RGS7BP: variants seen among roughly 807,000 people sequenced by gnomAD.
RGS7BP encodes the protein regulator of G protein signaling 7-binding protein.
In RGS7BP, 9 loss-of-function variants were observed where a neutral mutation model predicts 31.3. The observed-to-expected ratio is 0.29, with a 90% confidence interval of 0.17 to 0.50. The LOEUF (loss-of-function observed/expected upper bound fraction) is 0.50, where lower values mean the gene tolerates loss of function less well. RGS7BP is among the 20% of genes least tolerant of loss of function. The pLI is 0.98. For missense variants in RGS7BP, 274 were observed against 322.0 expected (o/e 0.85, Z 1.14); for synonymous variants, 115 against 120.1 (o/e 0.96, Z 0.28).
At chr5:64,515,982 T>G (rs1314594677) in intron 2 of RGS7BP, among the ~76,000 whole-genome samples, 1 of 152,052 alleles carries the variant, frequency 6.6e-6, no homozygotes, top group Non-Finnish European at 1.5e-5. Context: ...TAAAAACTTA[T>G]TATAGAGACT....
intron 5 of RGS7BP, among the ~76,000 whole-genome samples, chr5:64,605,151 C>T (rs1457503207): frequency 6.6e-6 from 1 of 151,470 alleles, no homozygotes; most frequent in African/African-American, 2.4e-5. Flanking sequence ...CTTCCCTTTC[C>T]ACCTTTCATT....
chr5:64,523,782 T>C (rs1212494927), intron 2 of RGS7BP, among the ~76,000 whole-genome samples: 1 of 152,230 alleles, frequency 6.6e-6, no homozygotes, highest in Admixed American at 6.5e-5. Flanking sequence ...TTTCTGGAAT[T>C]GAACATAAAG....
chr5:64,541,507 C>G (rs1199885588), intron 2 of RGS7BP, among the ~76,000 whole-genome samples: 1 of 152,224 alleles, frequency 6.6e-6, no homozygotes, highest in Non-Finnish European at 1.5e-5. Context: ...CCATGTCTGC[C>G]ACATTCACTT....
intron 5 of RGS7BP, among the ~76,000 whole-genome samples, chr5:64,599,064 G>T (rs1743152858): frequency 6.6e-6 from 1 of 152,174 alleles, no homozygotes; most frequent in African/African-American, 2.4e-5. Flanking sequence ...ATGTTCACTA[G>T]AATGAGGGAA....
At chr5:64,507,360 C>A (rs1335874043) in intron 1 of RGS7BP, among the ~76,000 whole-genome samples, 1 of 152,158 alleles carries the variant, frequency 6.6e-6, no homozygotes, top group East Asian at 1.9e-4. Flanking sequence ...GGAGAGGGGA[C>A]CGTCTATGTA....
intron 3 of RGS7BP, among the ~76,000 whole-genome samples, chr5:64,587,796 A>AGGGTACCC (rs1298041874): frequency 6.6e-6 from 1 of 152,222 alleles, no homozygotes; most frequent in African/African-American, 2.4e-5. Flanking sequence ...AAAAACAGGC[A>AGGGTACCC]GGGTACCCAG....
chr5:64,533,792 C>T (rs1749435417), intron 2 of RGS7BP, among the ~76,000 whole-genome samples: 1 of 152,220 alleles, frequency 6.6e-6, no homozygotes, highest in Admixed American at 6.5e-5. Flanking sequence ...CCCTCCCCAC[C>T]TCATGTCTAT....
chr5:64,545,081 C>G (rs1385342700), intron 2 of RGS7BP, among the ~76,000 whole-genome samples: 1 of 151,418 alleles, frequency 6.6e-6, no homozygotes, highest in Non-Finnish European at 1.5e-5. Flanking sequence ...GAGGCTGAGG[C>G]AGGAGAATAG....
intron 5 of RGS7BP, 22 bp downstream of exon 5, chr5:64,598,457 T>A: frequency 1.4e-6 from 2 of 1,475,064 alleles, no homozygotes; most frequent in South Asian, 2.3e-5. Context: ...CACTTCTCTT[T>A]GAGGCAGAGG....
intron 2 of RGS7BP, among the ~76,000 whole-genome samples, chr5:64,541,064 G>A (rs2111810212): frequency 6.6e-6 from 1 of 152,270 alleles, no homozygotes; most frequent in Middle Eastern, 3.4e-3. Flanking sequence ...ATAAAGAAAA[G>A]AGGTTTAATT....
rs144739204 is a variant in RGS7BP, at chr5:64,506,673, C to T, written c.49C>T (p.Arg17Cys). Residue 17 changes from arginine to cysteine, a missense_variant, in exon 1 of 6, where the codon CGC becomes TGC. Around this residue, in one of 3 missense-constraint regions of RGS7BP, gnomAD observed 149 missense variants for 152.6 expected, o/e 0.98. Transcript: ENST00000334025. This position sits in a 1 kb window ranked among gnomAD's most constrained non-coding sequence, Gnocchi z 4.6. Reference sequence around the variant, plus strand: ...CAAAAAGCGCCCCAGCCGGTCCACCCGCTCCTCGATCTTCCAGATCAGCAA... The same window carrying T: ...CAAAAAGCGCCCCAGCCGGTCCACCTGCTCCTCGATCTTCCAGATCAGCAA... ...GRKKRPSRSTRSSIFQISKPP... is the reference protein window; with the variant it reads ...GRKKRPSRSTCSSIFQISKPP... 5 of 1,612,834 alleles carry T rather than the reference C, an allele frequency of 3.1e-6. No homozygotes were observed. Among genetic ancestry groups the T allele is most frequent in the African/African-American group, 2.7e-5 (2 of 75,054 alleles).
intron 2 of RGS7BP, among the ~76,000 whole-genome samples, chr5:64,538,598 C>T (rs1295833443): frequency 8.6e-6 from 1 of 116,486 alleles, no homozygotes; most frequent in Non-Finnish European, 1.6e-5. Flanking sequence ...GCTCTGTCAC[C>T]CAGGCTGGAG....
At chr5:64,551,400 T>C (rs1456277633) in intron 2 of RGS7BP, among the ~76,000 whole-genome samples, 1 of 151,498 alleles carries the variant, frequency 6.6e-6, no homozygotes, top group East Asian at 1.9e-4. Context: ...GTGGCTGGGA[T>C]TACAGATGTG....
At chr5:64,521,042 C>G (rs1017863309) in intron 2 of RGS7BP, among the ~76,000 whole-genome samples, 2 of 152,198 alleles carry the variant, frequency 1.3e-5, no homozygotes, top group Admixed American at 1.3e-4. Context: ...TTAAAATCAT[C>G]ACGGTAATTA....
chr5:64,588,825 A>G (rs1010808451), intron 3 of RGS7BP, among the ~76,000 whole-genome samples: 2 of 152,178 alleles, frequency 1.3e-5, no homozygotes, highest in Non-Finnish European at 2.9e-5. Context: ...AAAAAATGTG[A>G]AAGACTGAGC....
intron 2 of RGS7BP, among the ~76,000 whole-genome samples, chr5:64,525,806 C>G (rs1749217856): frequency 6.6e-6 from 1 of 152,118 alleles, no homozygotes; most frequent in Non-Finnish European, 1.5e-5. Flanking sequence ...GAGCTAGGAC[C>G]AAGCAGATTC....
At chr5:64,548,666 C>G (rs540872944) in intron 2 of RGS7BP, among the ~76,000 whole-genome samples, 15 of 152,140 alleles carry the variant, frequency 9.9e-5, no homozygotes, top group African/African-American at 3.4e-4. Context: ...ACCACTACAT[C>G]TGGCTAATTT....
chr5:64,587,836 C>T (rs1561345206), intron 3 of RGS7BP, among the ~76,000 whole-genome samples: 1 of 152,134 alleles, frequency 6.6e-6, no homozygotes, highest in South Asian at 2.1e-4. Flanking sequence ...AACTCTCACA[C>T]CTAGAAGAAA....
At chr5:64,512,277 G>A (rs1458569506) in intron 2 of RGS7BP, among the ~76,000 whole-genome samples, 5 of 152,224 alleles carry the variant, frequency 3.3e-5, no homozygotes, top group Non-Finnish European at 5.9e-5. Flanking sequence ...AGAGACAGTA[G>A]AGTGTGATGG....
Sources: gnomAD v4.1 joint callset for allele counts (sites outside exome capture counted in the v4.1 genomes callset) on GRCh38, gnomAD v4.1.1 for gene constraint, gnomAD v4.1.1 regional missense constraint, Gnocchi (gnomAD v3.1) non-coding constraint, MANE v1.5 for transcripts, NCBI Gene and HGNC (gene_info 2026-07-23, HGNC 2026-07-21) for gene names.